LIPN: variants seen among roughly 807,000 people sequenced by gnomAD.
LIPN encodes the protein lipase member N.
Under a neutral mutation model 43.7 loss-of-function variants are expected in LIPN, and 32 were observed. The ratio of observed to expected loss-of-function variants is 0.73; its 90% CI spans 0.55 to 0.98. The LOEUF (loss-of-function observed/expected upper bound fraction) is 0.98. Among genes scored for constraint, LIPN ranks in the 50% least tolerant of loss-of-function variants. The probability of loss-of-function intolerance (pLI) is 0.00; values close to 1 mark genes in which losing one functional copy is unlikely to be tolerated. For synonymous variants in LIPN, 156 were observed against 157.6 expected, an observed-to-expected ratio of 0.99 and a Z score of 0.08; for missense variants, 505 against 483.8, an observed-to-expected ratio of 1.04 and a Z score of -0.41.
At chr10:88,759,872 C>T (rs958533677), upstream of LIPN, among the ~76,000 whole-genome samples, 4 of 151,986 alleles carry the variant, frequency 2.6e-5, no homozygotes, top group African/African-American at 9.7e-5. Context: ...TCATGTAGAC[C>T]ACTATTTCCC....
chr10:88,769,270 T>C (rs1262283356), intron 6 of LIPN, among the ~76,000 whole-genome samples: 1 of 151,934 alleles, frequency 6.6e-6, no homozygotes, highest in African/African-American at 2.4e-5. Context: ...GAATTCACAT[T>C]GCCCAAATGA....
intron 7 of LIPN, among the ~76,000 whole-genome samples, chr10:88,771,474 GT>G (rs1291529765): frequency 2.0e-5 from 3 of 150,566 alleles, no homozygotes; most frequent in Admixed American, 6.6e-5. Flanking sequence ...TATAAGGTCA[GT>G]TTTTTTTTAA....
At chr10:88,764,168 A>C (rs1843048850) in intron 3 of LIPN, among the ~76,000 whole-genome samples, 1 of 152,036 alleles carries the variant, frequency 6.6e-6, no homozygotes, top group South Asian at 2.1e-4. Context: ...AAGCTAATAC[A>C]TATAAATACG....
upstream of LIPN, among the ~76,000 whole-genome samples, chr10:88,758,070 C>T (rs929633113): frequency 8.6e-5 from 13 of 152,046 alleles, no homozygotes; most frequent in African/African-American, 3.1e-4. Context: ...TTTGAAAAAG[C>T]AGCCTTTGAG....
intron 9 of LIPN, among the ~76,000 whole-genome samples, chr10:88,776,719 G>T (rs303481): frequency 0.16 from 24,322 of 152,010 alleles, 2,124 homozygotes; most frequent in Non-Finnish European, 0.2. Context: ...TTTCTCATCT[G>T]GAAGAGTACA....
At chr10:88,767,812 T>C (rs17112679) in intron 5 of LIPN, among the ~76,000 whole-genome samples, 9,252 of 151,724 alleles carry the variant, frequency 0.061, 587 homozygotes, top group East Asian at 0.26. Context: ...CCACTCTTTG[T>C]AGGACATTTA....
chr10:88,766,641 G>A (rs1011196726), intron 5 of LIPN, among the ~76,000 whole-genome samples: 1 of 151,868 alleles, frequency 6.6e-6, no homozygotes, highest in East Asian at 1.9e-4. Context: ...AATAACATGT[G>A]TTCCAAATTC....
upstream of LIPN, among the ~76,000 whole-genome samples, chr10:88,758,347 C>T (rs1842952057): frequency 7.0e-6 from 1 of 143,398 alleles, no homozygotes; most frequent in African/African-American, 2.6e-5. Context: ...TCTAGCTCCA[C>T]TATCATCTAA....
In LIPN at chr10:88,778,220, C is replaced by T. The variant is rs1452505214; in HGVS notation, c.1175C>T (p.Ala392Val). The T allele has an allele frequency of 6.2e-7, 1 of 1,609,838 alleles. No individual in the cohort carries two copies. The highest frequency in any genetic ancestry group is 2.2e-5 in the East Asian group (1 of 44,622). ...APQRMYSEII[A>V]LMKAYS is the part of the protein sequence containing the mutation. Reference sequence around the variant, plus strand: ...CAACGGATGTACAGTGAAATCATAGCTTTAATGAAGGCATATTCCTAAATG... The same window carrying T: ...CAACGGATGTACAGTGAAATCATAGTTTTAATGAAGGCATATTCCTAAATG... Residue 392 changes from alanine (A) to valine (V), a missense_variant, in exon 10 of 10, where the codon GCT (alanine) becomes GTT (valine). Ala to Val is a moderately conservative substitution (Grantham distance 64, BLOSUM62 0). Coordinates refer to ENST00000404459, the MANE Select transcript of LIPN (RefSeq NM_001102469.2).
At chr10:88,758,693 T>C (rs1353346742), upstream of LIPN, among the ~76,000 whole-genome samples, 2 of 151,862 alleles carry the variant, frequency 1.3e-5, no homozygotes, top group Non-Finnish European at 2.9e-5. Flanking sequence ...GTTTCAGCTT[T>C]ATTTCTTTGA....
At chr10:88,768,511 T>A (rs766074150) in intron 5 of LIPN, among the ~76,000 whole-genome samples, 1 of 151,884 alleles carries the variant, frequency 6.6e-6, no homozygotes, top group Non-Finnish European at 1.5e-5. Context: ...TACACAGCAG[T>A]AGCTACTCCA....
At chr10:88,776,746 C>T (rs913151715) in intron 9 of LIPN, among the ~76,000 whole-genome samples, 3 of 152,178 alleles carry the variant, frequency 2.0e-5, no homozygotes, top group Middle Eastern at 3.4e-3. Flanking sequence ...TTACTGGGCT[C>T]CCAGTATCTA....
At chr10:88,762,955 C>A (rs1305274119) in intron 3 of LIPN, among the ~76,000 whole-genome samples, 1 of 151,996 alleles carries the variant, frequency 6.6e-6, no homozygotes, top group Non-Finnish European at 1.5e-5. Flanking sequence ...TACAAATCCT[C>A]TGAAGTAGAA....
At position 88,764,564 on chromosome 10, in the gene LIPN, A is replaced by G; in HGVS notation, c.381A>G (p.Arg127=). ...GTCGGGGAAACACTTGGTCAAGAAG[A>G]CACAAAACACTCTCAGAGACAGATG... ...GNSRGNTWSR[R]HKTLSETDEK... is the part of the protein sequence containing the mutation. Residue 127 remains arginine (R), a synonymous_variant, in exon 4 of 10, where the codon AGA becomes AGG. Transcript: ENST00000404459. 1.2e-6 allele frequency: 2 copies of G among 1,611,760 alleles called. No individual in the cohort carries two copies. Among genetic ancestry groups the G allele is most frequent in the Non-Finnish European group, 1.7e-6 (2 of 1,178,654 alleles).
intron 4 of LIPN, among the ~76,000 whole-genome samples, chr10:88,765,615 G>C (rs1843082032): frequency 6.6e-6 from 1 of 151,700 alleles, no homozygotes; most frequent in South Asian, 2.1e-4. Context: ...CCTGTCTGAA[G>C]AACAAAATAC....
At chr10:88,761,718 G>GCTATCTAT (rs71022539) in intron 2 of LIPN, among the ~76,000 whole-genome samples, 4,479 of 145,580 alleles carry the variant, frequency 0.031, 113 homozygotes, top group Non-Finnish European at 0.045. Context: ...GTGCTATTGT[G>GCTATCTAT]CTATCTATCT....
chr10:88,759,842 G>A (rs1006041760), upstream of LIPN, among the ~76,000 whole-genome samples: 10 of 152,060 alleles, frequency 6.6e-5, no homozygotes, highest in African/African-American at 9.7e-5. Flanking sequence ...GAAGGATTCC[G>A]TCAAACTGGT....
intron 7 of LIPN, among the ~76,000 whole-genome samples, chr10:88,772,354 G>A (rs1178487668): frequency 6.6e-6 from 1 of 151,828 alleles, no homozygotes; most frequent in African/African-American, 2.4e-5. Flanking sequence ...GAGTGCTTCT[G>A]TAATGTTTGT....
chr10:88,764,197 C>G (rs917963380), intron 3 of LIPN, among the ~76,000 whole-genome samples: 1 of 151,838 alleles, frequency 6.6e-6, no homozygotes, highest in African/African-American at 2.4e-5. Flanking sequence ...GCACCAGGTA[C>G]AAAAATATGT....
Sources: allele counts gnomAD v4.1 joint callset (sites outside exome capture counted in the v4.1 genomes callset), GRCh38; gene constraint gnomAD v4.1.1; transcripts MANE v1.5; gene names NCBI Gene and HGNC (gene_info 2026-07-23, HGNC 2026-07-21).